The following CUX1 variants were observed in gnomAD, a reference collection of about 807,000 sequenced individuals.
CUX1 encodes protein CASP.
CUX1 carries 31 observed loss-of-function variants against 158.8 expected under a neutral mutation model. The observed-to-expected ratio is 0.20, with a 90% CI of 0.15 to 0.26. The LOEUF (loss-of-function observed/expected upper bound fraction) is 0.26. CUX1 is among the 10% of genes least tolerant of loss of function. The pLI is 1.00. For synonymous variants in CUX1, 879 were observed against 862.1 expected (o/e 1.02, Z -0.34); for missense variants, 1,589 against 2,014.6 (o/e 0.79, Z 4.04).
At chr7:101,948,607 TC>T (rs1339530391) in intron 2 of CUX1, among the ~76,000 whole-genome samples, 1 of 152,174 alleles carries the variant, frequency 6.6e-6, no homozygotes, top group Non-Finnish European at 1.5e-5. Flanking sequence ...TGTATCTGGA[TC>T]CCCTCAAGCC....
At chr7:101,991,968 C>A (rs202162) in intron 2 of CUX1, among the ~76,000 whole-genome samples, 2 of 152,012 alleles carry the variant, frequency 1.3e-5, no homozygotes, top group African/African-American at 4.8e-5. Flanking sequence ...GAGGCAGGAG[C>A]ATCTCTTGAG....
chr7:102,044,181 C>T (rs1822461862), intron 3 of CUX1, among the ~76,000 whole-genome samples: 1 of 151,568 alleles, frequency 6.6e-6, no homozygotes, highest in African/African-American at 2.4e-5. Context: ...AGCCCATTTT[C>T]CGTTTTTTTG....
At chr7:101,867,681 A>G (rs1018912840) in intron 1 of CUX1, among the ~76,000 whole-genome samples, 1 of 152,202 alleles carries the variant, frequency 6.6e-6, no homozygotes, top group South Asian at 2.1e-4. Context: ...CCGGTAAGCA[A>G]CCTGATGTTT....
intron 1 of CUX1, among the ~76,000 whole-genome samples, chr7:101,895,989 G>A (rs1322082649): frequency 7.0e-6 from 1 of 143,038 alleles, no homozygotes; most frequent in Non-Finnish European, 1.5e-5. Context: ...GGCTAATTGC[G>A]GCCTCAACCT....
intron 12 of CUX1, among the ~76,000 whole-genome samples, chr7:102,192,172 G>A (rs782689999): frequency 2.6e-5 from 4 of 152,180 alleles, no homozygotes; most frequent in Non-Finnish European, 5.9e-5. Context: ...TCACCCCCAC[G>A]CAACAGGGGA....
chr7:102,181,364 A>G (rs1793066350), intron 11 of CUX1, among the ~76,000 whole-genome samples: 1 of 152,170 alleles, frequency 6.6e-6, no homozygotes. Flanking sequence ...GACCCCAGCA[A>G]CGGCATTATG....
intron 4 of CUX1, among the ~76,000 whole-genome samples, chr7:102,073,800 A>G (rs1826410647): frequency 6.6e-6 from 1 of 152,158 alleles, no homozygotes; most frequent in Non-Finnish European, 1.5e-5. Context: ...CTATATTGGT[A>G]ATATTCTTCA....
chr7:102,214,726 C>T lies in CUX1; in HGVS notation c.3130+9556C>T, dbSNP rs189706552. On this transcript the variant is annotated intron_variant, in intron 20 of 23. Coordinates refer to ENST00000292535, the MANE Select transcript of CUX1 (RefSeq NM_181552.4). The stretch of plus-strand genomic sequence containing the variant: ...TGGCCCGAGGGACCTGCCCCGCTCC[C>T]GGTGAGGATAAGGAGGGGAGTTTCT... Among the ~76,000 whole-genome samples the T allele has an allele frequency of 6.6e-4, 101 of 152,354 alleles. 1 individual carries two copies. In the East Asian group the frequency reaches 7.0e-3, roughly 10 times the overall value.
At chr7:102,173,984 G>A (rs956856885) in intron 10 of CUX1, among the ~76,000 whole-genome samples, 18 of 152,142 alleles carry the variant, frequency 1.2e-4, no homozygotes, top group African/African-American at 4.3e-4. Flanking sequence ...AAACGGTGGA[G>A]TCTGTAGATC....
At position 102,252,525 on chromosome 7, in the gene CUX1, G is replaced by A; in HGVS notation, c.*3483G>A. The A allele has an allele frequency of 2.0e-6, 2 of 985,440 alleles. No homozygotes were observed. The highest frequency in any genetic ancestry group is 2.4e-6 in the Non-Finnish European group (2 of 829,950). The allele number at this position is 985,440 out of a possible 1,614,324, so 61.0% of individuals were successfully genotyped here. On this transcript the variant is annotated 3_prime_UTR_variant, in exon 24 of 24. Transcript: ENST00000292535. ...TTTAAATGGCTTCTTTTTGTTAATTGGAGGCATTGTTCATAACTTAAGGCT... is the reference window on the plus strand; with the variant it reads ...TTTAAATGGCTTCTTTTTGTTAATTAGAGGCATTGTTCATAACTTAAGGCT...
chr7:102,216,860 C>T (rs542711864), intron 20 of CUX1, among the ~76,000 whole-genome samples: 4 of 135,374 alleles, frequency 3.0e-5, no homozygotes, highest in Admixed American at 1.7e-4. Context: ...CCCTCACACA[C>T]ACATTCTCTC....
chr7:102,048,771 A>G (rs368580626), intron 3 of CUX1, among the ~76,000 whole-genome samples: 43 of 152,236 alleles, frequency 2.8e-4, no homozygotes, highest in African/African-American at 9.1e-4. Context: ...AGAGGTTGCC[A>G]TGAACTGAGA....
intron 1 of CUX1, among the ~76,000 whole-genome samples, chr7:101,911,272 G>C (rs1803406353): frequency 6.6e-6 from 1 of 152,154 alleles, no homozygotes; most frequent in African/African-American, 2.4e-5. Flanking sequence ...CCTTGGCCTT[G>C]GTCCTGCCGT....
At chr7:102,144,575 G>T (rs1009303604) in intron 8 of CUX1, among the ~76,000 whole-genome samples, 3 of 151,596 alleles carry the variant, frequency 2.0e-5, no homozygotes, top group African/African-American at 7.3e-5. Context: ...GGAGGCTGAG[G>T]TGGGAGGATT....
intron 2 of CUX1, among the ~76,000 whole-genome samples, chr7:101,923,855 C>T (rs1363231870): frequency 2.6e-5 from 4 of 152,218 alleles, no homozygotes; most frequent in Non-Finnish European, 5.9e-5. Flanking sequence ...CAGAACTGCC[C>T]ATCCACTTTC....
chr7:101,931,301 G>A (rs1314886257), intron 2 of CUX1, among the ~76,000 whole-genome samples: 1 of 152,178 alleles, frequency 6.6e-6, no homozygotes, highest in East Asian at 1.9e-4. Context: ...GTCCCATTGT[G>A]TGTGGAATGG....
intron 20 of CUX1, among the ~76,000 whole-genome samples, chr7:102,223,930 C>T (rs1016691019): frequency 1.3e-5 from 2 of 152,166 alleles, no homozygotes; most frequent in Non-Finnish European, 2.9e-5. Flanking sequence ...TGCCACTGCA[C>T]TCCAGCCTGG....
chr7:101,826,490 C>T (rs1042385932), intron 1 of CUX1, among the ~76,000 whole-genome samples: 1 of 152,142 alleles, frequency 6.6e-6, no homozygotes, highest in Non-Finnish European at 1.5e-5. Flanking sequence ...AGGTGAACCA[C>T]TGCGCCCGGC....
chr7:102,109,529 A>G (rs782356177), intron 6 of CUX1, among the ~76,000 whole-genome samples: 34 of 152,182 alleles, frequency 2.2e-4, no homozygotes, highest in Non-Finnish European at 4.0e-4. Flanking sequence ...CATGCCTGCA[A>G]TTTCAGCACT....
Sources: allele counts gnomAD v4.1 joint callset (sites outside exome capture counted in the v4.1 genomes callset), GRCh38; gene constraint gnomAD v4.1.1; transcripts MANE v1.5; gene names NCBI Gene and HGNC (gene_info 2026-07-23, HGNC 2026-07-21).